Variants in KCNC1 observed in about 807,000 individuals in gnomAD.
The protein encoded by KCNC1 is voltage-gated potassium channel KCNC1.
Under a neutral mutation model 43.4 loss-of-function variants are expected in KCNC1, and 8 were observed. The ratio of observed to expected loss-of-function variants is 0.18; its 90% CI spans 0.11 to 0.33. The LOEUF (loss-of-function observed/expected upper bound fraction) is 0.33. Among genes scored for constraint, KCNC1 ranks in the 10% least tolerant of loss-of-function variants. KCNC1 has a pLI of 1.00. For synonymous variants in KCNC1, 361 were observed against 360.5 expected (o/e 1.00, Z -0.01); for missense variants, 420 against 836.0 (o/e 0.50, Z 6.14).
chr11:17,772,560 C>T lies in KCNC1; in HGVS notation c.1466C>T (p.Pro489Leu), dbSNP rs772473741. The T allele has an allele frequency of 9.3e-6, 15 of 1,613,564 alleles. No homozygotes were observed. Among genetic ancestry groups the T allele is most frequent in the Non-Finnish European group, 1.3e-5 (15 of 1,179,586 alleles). ...PHHSTQSDTC[P>L]LAQEEILEIN... is the part of the protein sequence containing the mutation. ...CACAGTACTCAGAGTGACACATGTC[C>T]GCTGGCCCAGGAAGAAATTTTAGAA... Residue 489 changes from proline (P) to leucine (L), a missense_variant, in exon 2 of 4, where the codon CCG (proline) becomes CTG (leucine). Pro to Leu is a moderately conservative substitution (Grantham distance 98). This residue lies in a region of KCNC1 where 147 missense variants were observed against 176.1 expected (regional missense o/e 0.83). Coordinates refer to ENST00000265969, the MANE Select transcript of KCNC1 (RefSeq NM_001112741.2).
chr11:17,756,982 C>T (rs976585895), intron 1 of KCNC1, among the ~76,000 whole-genome samples: 5 of 151,986 alleles, frequency 3.3e-5, no homozygotes, highest in Admixed American at 6.6e-5. Flanking sequence ...GATTTTTGCA[C>T]GTCTTAACCA....
intron 1 of KCNC1, among the ~76,000 whole-genome samples, chr11:17,758,149 T>C (rs2133793310): frequency 6.6e-6 from 1 of 152,354 alleles, no homozygotes; most frequent in East Asian, 1.9e-4. Flanking sequence ...ATTTCAACAA[T>C]GTTTATAGCA....
Position 17,762,995 on chromosome 11 carries a change from TC to T in KCNC1, c.571-8668del, listed in dbSNP as rs566085847. ...TGTGTGCATTTTATATGTTTCAACT[TC>T]CAAAAAAAAGATACGCATCTTGGGA... On this transcript the variant is annotated intron_variant, in intron 1 of 3. Coordinates refer to ENST00000265969, the MANE Select transcript of KCNC1 (RefSeq NM_001112741.2). Among the ~76,000 whole-genome samples the T allele has an allele frequency of 6.7e-3, 1,023 of 152,172 alleles. 12 individuals carry two copies. The highest frequency in any genetic ancestry group is 8.4e-3 in the Non-Finnish European group (569 of 67,982).
intron 1 of KCNC1, among the ~76,000 whole-genome samples, chr11:17,746,103 G>A (rs1348210187): frequency 1.3e-5 from 2 of 152,184 alleles, no homozygotes; most frequent in Non-Finnish European, 2.9e-5. Context: ...GCAGACATGG[G>A]CACCGTGCAT....
chr11:17,771,925 G>A lies in KCNC1; in HGVS notation c.831G>A (p.Ser277=), dbSNP rs765494674. Residue 277 remains serine, a synonymous_variant, in exon 2 of 4, where the codon TCG becomes TCA. Coordinates refer to ENST00000265969, the MANE Select transcript of KCNC1 (RefSeq NM_001112741.2). The surrounding 1 kb of genome is among the most constrained non-coding windows in gnomAD (Gnocchi z 4.7). ...CPNKVEFIKN[S]LNIIDFVAIL... ...ACAAGGTAGAGTTCATCAAGAACTC[G>A]CTCAACATCATTGACTTTGTGGCCA... is the stretch of plus-strand genomic sequence containing the variant. 22 of 1,614,208 alleles carry A rather than the reference G, an allele frequency of 1.4e-5. No individual in the cohort carries two copies. Among genetic ancestry groups the A allele is most frequent in the Middle Eastern group, 3.3e-4 (2 of 6,062 alleles).
chr11:17,750,657 A>G (rs1848957211), intron 1 of KCNC1, among the ~76,000 whole-genome samples: 1 of 152,050 alleles, frequency 6.6e-6, no homozygotes, highest in Admixed American at 6.5e-5. Flanking sequence ...CCTGGGCCCC[A>G]ATGTGCATCA....
At chr11:17,769,784 T>C (rs937784868) in intron 1 of KCNC1, among the ~76,000 whole-genome samples, 2 of 152,172 alleles carry the variant, frequency 1.3e-5, no homozygotes, top group African/African-American at 2.4e-5. Flanking sequence ...CCACACTTGA[T>C]AGTGGCTCAG....
At chr11:17,761,405 A>G (rs1397151606) in intron 1 of KCNC1, among the ~76,000 whole-genome samples, 1 of 152,236 alleles carries the variant, frequency 6.6e-6, no homozygotes, top group Non-Finnish European at 1.5e-5. Context: ...CGCCTCGGCC[A>G]GCTCCCGGAA....
chr11:17,764,165 TAC>T (rs1182799799), intron 1 of KCNC1, among the ~76,000 whole-genome samples: 4 of 127,004 alleles, frequency 3.1e-5, no homozygotes, highest in East Asian at 5.1e-4. Context: ...TAGCCCTATA[TAC>T]ACACACACAA....
intron 1 of KCNC1, among the ~76,000 whole-genome samples, chr11:17,767,557 C>T (rs911695693): frequency 2.6e-5 from 4 of 152,218 alleles, no homozygotes; most frequent in Non-Finnish European, 4.4e-5. Flanking sequence ...CTTCGTTGCT[C>T]TTGCTCCGGC....
rs562169726 is a variant in KCNC1 at position 17,779,234 on chromosome 11, C to T, written c.1505-222C>T. On this transcript the variant is annotated intron_variant, in intron 2 of 3. Transcript: ENST00000265969. The surrounding 1 kb of genome is among the most constrained non-coding windows in gnomAD (Gnocchi z 7.2). ...CAAACTTTGAGCAAACCCAGGAGTC[C>T]CCACTCCCAGCACTGTGGGCAGCCC... 25 of 471,742 alleles carry T rather than the reference C, an allele frequency of 5.3e-5. No homozygotes were observed. In the East Asian group the frequency reaches 7.7e-4, roughly 15 times the overall value. The allele number at this position is 471,742 out of a possible 1,614,324, so 29.2% of individuals were successfully genotyped here.
In KCNC1 at chr11:17,736,263, C is replaced by T. The variant is rs2133774226; in HGVS notation, c.261C>T (p.Tyr87=). ...HCPADVCGPL[Y]EEELAFWGID... Reference sequence around the variant, plus strand: ...CAGCCGACGTGTGCGGGCCGCTCTACGAGGAGGAGCTGGCCTTCTGGGGCA... The same window carrying T: ...CAGCCGACGTGTGCGGGCCGCTCTATGAGGAGGAGCTGGCCTTCTGGGGCA... Residue 87 remains tyrosine, a synonymous_variant, in exon 1 of 4, where the codon TAC becomes TAT. Coordinates refer to ENST00000265969, the MANE Select transcript of KCNC1 (RefSeq NM_001112741.2). The surrounding 1 kb of genome is among the most constrained non-coding windows in gnomAD (Gnocchi z 9.3). 6.2e-7 allele frequency: 1 copy of T among 1,613,706 alleles called. No individual in the cohort carries two copies. The highest frequency in any genetic ancestry group is 8.5e-7 in the Non-Finnish European group (1 of 1,179,900).
chr11:17,734,856 G>GGCGGCA lies in KCNC1; in HGVS notation c.-1141_-1136dup, dbSNP rs1848743999. 1 of 149,684 alleles carries GGCGGCA rather than the reference G, an allele frequency of 6.7e-6. No individual in the cohort carries two copies. Among genetic ancestry groups the GGCGGCA allele is most frequent in the African/African-American group, 2.4e-5 (1 of 41,086 alleles). 9.3% of individuals were successfully genotyped at this position (149,684 alleles called of 1,614,324 possible). A position where few individuals can be genotyped will look rare whatever the true frequency, so the allele number is the denominator to read the frequency against. ...CGGGCGGCAGCAGCGTCGCGGCGGC[G>GGCGGCA]GCGGCAGCGGCCGCTCCGCGCCTCG... On this transcript the variant is annotated 5_prime_UTR_variant, in exon 1 of 4. Transcript: ENST00000265969.
At chr11:17,772,712 G>T in intron 2 of KCNC1, 114 bp downstream of exon 2, 1 of 1,524,770 alleles carries the variant, frequency 6.6e-7, no homozygotes, top group South Asian at 1.3e-5. Context: ...CCCGGACCCC[G>T]CACTCAGTCT....
Position 17,742,317 on chromosome 11 carries a change from G to A in KCNC1, c.570+5745G>A, listed in dbSNP as rs939081065. 6.6e-5 allele frequency among the ~76,000 whole-genome samples: 10 copies of A among 152,122 alleles called. No homozygotes were observed. The highest frequency in any genetic ancestry group is 2.4e-4 in the African/African-American group (10 of 41,430). ...GAAGTCTATCAAGGAGGGAGGTGGT[G>A]GTTGTCTCAGAGGTGGGGGAGGGGG... is the stretch of plus-strand genomic sequence containing the variant. On this transcript the variant is annotated intron_variant, in intron 1 of 3. Coordinates refer to ENST00000265969, the MANE Select transcript of KCNC1 (RefSeq NM_001112741.2). This position sits in a 1 kb window ranked among gnomAD's most constrained non-coding sequence, Gnocchi z 4.2.
Position 17,781,968 on chromosome 11 carries a change from G to C in KCNC1, c.*234G>C, listed in dbSNP as rs576334178. ...TTAAAATTTTATTTTATTTGGGGAG[G>C]GGGGGTGGAGGGGCTCCTTAGCATG... On this transcript the variant is annotated 3_prime_UTR_variant, in exon 4 of 4. Coordinates refer to ENST00000265969, the MANE Select transcript of KCNC1 (RefSeq NM_001112741.2). The surrounding 1 kb of genome is among the most constrained non-coding windows in gnomAD (Gnocchi z 5.1). 51 of 454,540 alleles carry C rather than the reference G, an allele frequency of 1.1e-4. No individual in the cohort carries two copies. Among genetic ancestry groups the C allele is most frequent in the Non-Finnish European group, 1.8e-4 (47 of 259,456 alleles). The allele number at this position is 454,540 out of a possible 1,614,324, so 28.2% of individuals were successfully genotyped here.
At position 17,773,355 on chromosome 11, in the gene KCNC1, G is replaced by A; in HGVS notation, c.1504+757G>A. 1.0e-6 allele frequency: 1 copy of A among 985,466 alleles called. No individual in the cohort carries two copies. Among genetic ancestry groups the A allele is most frequent in the Non-Finnish European group, 1.2e-6 (1 of 829,972 alleles). The allele number at this position is 985,466 out of a possible 1,614,324, so 61.0% of individuals were successfully genotyped here. A position where few individuals can be genotyped will look rare whatever the true frequency, so the allele number is the denominator to read the frequency against. On this transcript the variant is annotated intron_variant, in intron 2 of 3. Transcript: ENST00000265969. This position sits in a 1 kb window ranked among gnomAD's most constrained non-coding sequence, Gnocchi z 4.1. ...TGTCTGTTTGGGTTGATGGTCGAGT[G>A]GGAGTTTCCGGTGACCCGATGGAAG...
At chr11:17,747,039 A>G (rs923010099) in intron 1 of KCNC1, among the ~76,000 whole-genome samples, 2 of 152,164 alleles carry the variant, frequency 1.3e-5, no homozygotes, top group African/African-American at 4.8e-5. Flanking sequence ...GCGAGATTCA[A>G]ATCGTCACCC....
Position 17,736,496 on chromosome 11 carries a change from C to T in KCNC1, c.494C>T (p.Pro165Leu), listed in dbSNP as rs749790557. The T allele has an allele frequency of 6.9e-6, 11 of 1,593,748 alleles. No individual in the cohort carries two copies. The Admixed American group carries it at 1.4e-4, about 20-fold the overall frequency. ...CTCAGTGACTCCCCGGATGGCCGGC[C>T]TGGCGGCTTTTGGCGCCGCTGGCAG... is the stretch of plus-strand genomic sequence containing the variant. ...LALSDSPDGR[P>L]GGFWRRWQPR... is the part of the protein sequence containing the mutation. Residue 165 changes from proline to leucine, a missense_variant, in exon 1 of 4, where the codon CCT becomes CTT. Physicochemically the swap from Pro to Leu is moderately conservative, Grantham distance 98. Transcript: ENST00000265969. This position sits in a 1 kb window ranked among gnomAD's most constrained non-coding sequence, Gnocchi z 9.3.
Sources: allele counts gnomAD v4.1 joint callset (sites outside exome capture counted in the v4.1 genomes callset), GRCh38; gene constraint gnomAD v4.1.1; regional missense constraint gnomAD v4.1.1; non-coding constraint Gnocchi (gnomAD v3.1); transcripts MANE v1.5; gene names NCBI Gene and HGNC (gene_info 2026-07-23, HGNC 2026-07-21).